Variants in DCUN1D2 observed in about 807,000 individuals in gnomAD.
The protein encoded by DCUN1D2 is defective in cullin neddylation 1 domain containing 2.
In DCUN1D2, 29 loss-of-function variants were observed where a neutral mutation model predicts 30.9. The observed-to-expected ratio is 0.94, with a 90% CI of 0.70 to 1.28. The LOEUF is 1.28. Among genes scored for constraint, DCUN1D2 ranks in the 50% most tolerant of loss-of-function variants. DCUN1D2 has a pLI of 0.00. For synonymous variants in DCUN1D2, 121 were observed against 115.3 expected, an observed-to-expected ratio of 1.05 and a Z score of -0.32; for missense variants, 325 against 316.9, an observed-to-expected ratio of 1.03 and a Z score of -0.19.
chr13:113,478,586 C>G (rs1483024215), intron 3 of DCUN1D2, among the ~76,000 whole-genome samples: 1 of 152,004 alleles, frequency 6.6e-6, no homozygotes, highest in East Asian at 1.9e-4. Flanking sequence ...TGATTTTCAG[C>G]CTTTCCTTCT....
At chr13:113,465,669 CTT>C (rs5806991) in intron 4 of DCUN1D2, among the ~76,000 whole-genome samples, 1,785 of 136,132 alleles carry the variant, frequency 0.013, 50 homozygotes, top group African/African-American at 0.043. Flanking sequence ...TGTCTATTTG[CTT>C]TTTTTTTTTT....
chr13:113,472,053 C>T (rs1234550984), intron 4 of DCUN1D2, among the ~76,000 whole-genome samples: 4 of 151,912 alleles, frequency 2.6e-5, no homozygotes, highest in South Asian at 2.1e-4. Flanking sequence ...TTTTCTTTTC[C>T]GCTACTCACA....
rs1313368072 is a variant in DCUN1D2 at position 113,458,274 on chromosome 13, C to T, written c.701-166G>A. Reference sequence around the variant, plus strand: ...ACCAGCCCAAGTTACCCAGTTCTTTCGCCCTAGCACGGCCAGGTCGGGAGC... The same window carrying T: ...ACCAGCCCAAGTTACCCAGTTCTTTTGCCCTAGCACGGCCAGGTCGGGAGC... On this transcript the variant is annotated intron_variant, in intron 6 of 6. Coordinates refer to ENST00000478244, the MANE Select transcript of DCUN1D2 (RefSeq NM_001014283.2). Among the ~76,000 whole-genome samples, 8 of 152,222 alleles carry T rather than the reference C, an allele frequency of 5.3e-5. No homozygotes were observed. The East Asian group carries it at 7.7e-4, about 15-fold the overall frequency.
In DCUN1D2 at chr13:113,474,149, A is replaced by T. The variant is rs770254615; in HGVS notation, c.495T>A (p.Ala165=). 2 of 1,614,016 alleles carry T rather than the reference A, an allele frequency of 1.2e-6. No homozygotes were observed. Among genetic ancestry groups the T allele is most frequent in the African/African-American group, 2.7e-5 (2 of 74,938 alleles). ...CTAAACCTTTCTGCCCTGGGTTCTT[A>T]GCGAAGGTGAAGGTAAACTGATAAA... ...KDFYQFTFTF[A]KNPGQKGLDL... is the part of the protein sequence containing the mutation. The change falls in exon 4 of 7, where the codon GCT becomes GCA. Residue 165 remains alanine, a synonymous_variant. Coordinates refer to ENST00000478244, the MANE Select transcript of DCUN1D2 (RefSeq NM_001014283.2).
chr13:113,475,148 A>G (rs1305355408), intron 3 of DCUN1D2, among the ~76,000 whole-genome samples: 1 of 152,234 alleles, frequency 6.6e-6, no homozygotes, highest in Non-Finnish European at 1.5e-5. Context: ...CCTCGAAGAC[A>G]TACACGGAAA....
intron 3 of DCUN1D2, chr13:113,476,091 T>C (rs531238013): frequency 6.6e-6 from 1 of 152,388 alleles, no homozygotes; most frequent in East Asian, 1.9e-4. Context: ...AGAATTCTTG[T>C]TATATACATA....
chr13:113,474,102 C>T (rs111588289), intron 4 of DCUN1D2, 22 bp downstream of exon 4: 21 of 1,602,356 alleles, frequency 1.3e-5, no homozygotes, highest in East Asian at 9.0e-5. Flanking sequence ...TGGCATTTTA[C>T]GTATTTGGAT....
At chr13:113,461,861 A>G (rs573253836) in intron 4 of DCUN1D2, among the ~76,000 whole-genome samples, 6 of 152,380 alleles carry the variant, frequency 3.9e-5, no homozygotes, top group African/African-American at 1.4e-4. Flanking sequence ...ATAGTTTGTG[A>G]AACACTGATT....
intron 3 of DCUN1D2, chr13:113,475,394 G>C (rs911845175): frequency 1.3e-5 from 2 of 152,286 alleles, no homozygotes; most frequent in African/African-American, 4.8e-5. Context: ...TGCTGAACAG[G>C]TTCACGGCCT....
chr13:113,468,524 T>C (rs1321520728), intron 4 of DCUN1D2, among the ~76,000 whole-genome samples: 2 of 152,156 alleles, frequency 1.3e-5, no homozygotes, highest in African/African-American at 2.4e-5. Context: ...ACAGTTAAAA[T>C]GGTTAAAAGA....
intron 1 of DCUN1D2, 71 bp from the exon 2 acceptor site, chr13:113,484,127 C>G: frequency 6.3e-7 from 1 of 1,594,194 alleles, no homozygotes; most frequent in Non-Finnish European, 8.5e-7. Context: ...AGCCTAACGC[C>G]TGCACTTTAA....
At position 113,472,325 on chromosome 13, in the gene DCUN1D2, G is replaced by A. The variant is rs79972997; in HGVS notation, c.520+1799C>T. Among the ~76,000 whole-genome samples, 1,149 of 152,228 alleles carry A rather than the reference G, an allele frequency of 7.5e-3. 8 individuals are homozygous for A. Among genetic ancestry groups the A allele is most frequent in the Non-Finnish European group, 0.013 (852 of 68,012 alleles). ...ATAAAAAAATAAAAAGCCTGGAAAC[G>A]ACGACTCTGAATGAGCACCAGCCGC... On this transcript the variant is annotated intron_variant, in intron 4 of 6. Coordinates refer to ENST00000478244, the MANE Select transcript of DCUN1D2 (RefSeq NM_001014283.2).
intron 4 of DCUN1D2, among the ~76,000 whole-genome samples, chr13:113,466,393 G>A (rs1023126823): frequency 8.5e-5 from 13 of 152,282 alleles, no homozygotes; most frequent in African/African-American, 3.1e-4. Context: ...ACAGAATCTG[G>A]CATCTGGTAT....
intron 3 of DCUN1D2, 33 bp downstream of exon 3, chr13:113,480,542 T>A (rs772900741): frequency 1.7e-5 from 28 of 1,608,976 alleles, no homozygotes; most frequent in Non-Finnish European, 2.3e-5. Flanking sequence ...TTTTCATTTC[T>A]GAAAACATTT....
At position 113,474,149 on chromosome 13, in the gene DCUN1D2, A is replaced by C. The variant is rs770254615; in HGVS notation, c.495T>G (p.Ala165=). The C allele has an allele frequency of 6.2e-7, 1 of 1,614,134 alleles. No individual in the cohort carries two copies. Among genetic ancestry groups the C allele is most frequent in the South Asian group, 1.1e-5 (1 of 91,078 alleles). ...KDFYQFTFTF[A]KNPGQKGLDL... is the part of the protein sequence containing the mutation. ...CTAAACCTTTCTGCCCTGGGTTCTT[A>C]GCGAAGGTGAAGGTAAACTGATAAA... The change falls in exon 4 of 7, where the codon GCT becomes GCG. Residue 165 remains alanine, a synonymous_variant. Transcript: ENST00000478244.
chr13:113,458,369 C>T (rs959647344), intron 6 of DCUN1D2, among the ~76,000 whole-genome samples: 4 of 152,196 alleles, frequency 2.6e-5, no homozygotes, highest in African/African-American at 4.8e-5. Context: ...TCGGTGAGTG[C>T]CCCAGGCAGT....
intron 1 of DCUN1D2, chr13:113,484,307 A>G (rs2260800): frequency 0.14 from 96,984 of 680,346 alleles, 8,813 homozygotes; most frequent in African/African-American, 0.36. Context: ...TATCCAGTTC[A>G]CTCTGCATGA....
rs1002326977 is a variant in DCUN1D2, at chr13:113,457,903, C to T, written c.*126G>A. On this transcript the variant is annotated 3_prime_UTR_variant, in exon 7 of 7. Transcript: ENST00000478244. ...GCTGTCCTCCGGCAGAATGGGATGG[C>T]GCCTCTGGTTTCATGGCTGGTCAAG... is the stretch of plus-strand genomic sequence containing the variant. 168 of 897,534 alleles carry T rather than the reference C, an allele frequency of 1.9e-4. 1 individual carries two copies. Among genetic ancestry groups the T allele is most frequent in the African/African-American group, 8.6e-4 (52 of 60,764 alleles). 55.6% of individuals were successfully genotyped at this position (897,534 alleles called of 1,614,324 possible).
intron 1 of DCUN1D2, among the ~76,000 whole-genome samples, chr13:113,489,860 G>A (rs976283694): frequency 7.2e-5 from 11 of 152,064 alleles, no homozygotes; most frequent in African/African-American, 2.4e-4. Flanking sequence ...CAAGTTCCTG[G>A]AACCCGTGCC....
Sources: allele counts gnomAD v4.1 joint callset (sites outside exome capture counted in the v4.1 genomes callset), GRCh38; gene constraint gnomAD v4.1.1; transcripts MANE v1.5; gene names NCBI Gene and HGNC (gene_info 2026-07-23, HGNC 2026-07-21).